Variants in COL27A1 observed in about 807,000 individuals in gnomAD.
COL27A1 encodes the protein collagen type XXVII alpha 1 chain.
COL27A1 carries 106 observed loss-of-function variants against 251.3 expected under a neutral mutation model. That is an observed-to-expected ratio of 0.42 (90% CI 0.36 to 0.50). COL27A1 has a LOEUF of 0.50. Among genes scored for constraint, COL27A1 ranks in the 20% least tolerant of loss-of-function variants. The probability of loss-of-function intolerance (pLI) is 0.00; values close to 1 mark genes in which losing one functional copy is unlikely to be tolerated. For missense variants in COL27A1, 2,325 were observed against 2,522.8 expected (o/e 0.92, Z 1.68); for synonymous variants, 1,000 against 986.3 (o/e 1.01, Z -0.26).
rs1383939938 is a variant in COL27A1 at position 114,253,397 on chromosome 9, A to G, written c.3141+465A>G. On this transcript the variant is annotated intron_variant, in intron 27 of 60. Transcript: ENST00000356083. ...CGAAAGAAAGAAAGAAAAAAGAAAG[A>G]GGAAAAAAGACAGAAAGAAGAGGAG... Among the ~76,000 whole-genome samples the G allele has an allele frequency of 1.7e-5, 2 of 119,690 alleles. 1 individual carries two copies. Among genetic ancestry groups the G allele is most frequent in the South Asian group, 5.7e-4 (2 of 3,502 alleles). The allele number at this position is 119,690 out of a possible 152,430, so 78.5% of individuals were successfully genotyped here.
intron 20 of COL27A1, 31 bp from the exon 21 acceptor site, chr9:114,240,403 T>G: frequency 6.2e-6 from 10 of 1,609,574 alleles, no homozygotes; most frequent in South Asian, 1.1e-5. Flanking sequence ...GTACCGCCTC[T>G]GAGACTCCCT....
intron 26 of COL27A1, 38 bp from the exon 27 acceptor site, chr9:114,252,841 C>T: frequency 2.5e-6 from 4 of 1,599,566 alleles, no homozygotes; most frequent in African/African-American, 1.3e-5. Context: ...AGGAAGCTTC[C>T]ATAGCTGATT....
intron 37 of COL27A1, among the ~76,000 whole-genome samples, chr9:114,280,110 T>G (rs1835809546): frequency 6.6e-6 from 1 of 152,212 alleles, no homozygotes; most frequent in Admixed American, 6.5e-5. Context: ...TTGATCTGTA[T>G]TTAGATTTCA....
At chr9:114,281,416 GGGC>G (rs1351077039) in intron 37 of COL27A1, among the ~76,000 whole-genome samples, 1 of 152,244 alleles carries the variant, frequency 6.6e-6, no homozygotes, top group East Asian at 1.9e-4. Flanking sequence ...TCCCAGGGCA[GGGC>G]AGGGCAGATC....
chr9:114,178,708 C>T (rs557106098), intron 4 of COL27A1, among the ~76,000 whole-genome samples: 2 of 152,244 alleles, frequency 1.3e-5, no homozygotes, highest in East Asian at 3.9e-4. Flanking sequence ...CTTCCTGTTT[C>T]TGCAGGGCTC....
intron 27 of COL27A1, among the ~76,000 whole-genome samples, chr9:114,255,470 G>A (rs1269075691): frequency 1.3e-5 from 2 of 152,192 alleles, no homozygotes; most frequent in African/African-American, 2.4e-5. Context: ...AGTGGGAGGA[G>A]GAAAGCCAGG....
intron 12 of COL27A1, among the ~76,000 whole-genome samples, chr9:114,216,544 G>A (rs1259900834): frequency 6.6e-6 from 1 of 152,226 alleles, no homozygotes; most frequent in African/African-American, 2.4e-5. Flanking sequence ...GCAAGGTAGT[G>A]GGTGAGGGGG....
At chr9:114,246,760 CAG>C (rs879547337) in intron 24 of COL27A1, among the ~76,000 whole-genome samples, 24 of 152,202 alleles carry the variant, frequency 1.6e-4, no homozygotes, top group African/African-American at 4.1e-4. Context: ...GGAATTAAAA[CAG>C]GGGGAGGCCT....
chr9:114,266,620 T>C lies in COL27A1; in HGVS notation c.3447+2T>C. 1 of 1,613,138 alleles carries C rather than the reference T, an allele frequency of 6.2e-7. No homozygotes were observed. The highest frequency in any genetic ancestry group is 1.1e-5 in the South Asian group (1 of 91,034). ...CCTCCAGGAGAGATGGGACCCAAGGTGAGTGTGAGAGACCCTTATTCGTCC... is the reference window on the plus strand; with the variant it reads ...CCTCCAGGAGAGATGGGACCCAAGGCGAGTGTGAGAGACCCTTATTCGTCC... On this transcript the variant is annotated splice_donor_variant, in intron 33 of 60. Coordinates refer to ENST00000356083, the MANE Select transcript of COL27A1 (RefSeq NM_032888.4). LOFTEE classifies it high-confidence loss of function.
intron 19 of COL27A1, among the ~76,000 whole-genome samples, chr9:114,239,022 T>C (rs1489397199): frequency 6.6e-6 from 1 of 152,142 alleles, no homozygotes; most frequent in African/African-American, 2.4e-5. Context: ...GCCTCTCCCG[T>C]CTTTGTGCTC....
intron 14 of COL27A1, among the ~76,000 whole-genome samples, chr9:114,225,097 C>G (rs1299346438): frequency 6.6e-6 from 1 of 152,224 alleles, no homozygotes; most frequent in Non-Finnish European, 1.5e-5. Context: ...TCAAATTTAA[C>G]TGGGCATCCT....
chr9:114,229,856 C>G (rs2135424940), intron 14 of COL27A1, among the ~76,000 whole-genome samples: 1 of 152,260 alleles, frequency 6.6e-6, no homozygotes, highest in South Asian at 2.1e-4. Context: ...GTTCCTGGAC[C>G]TTGGCACTAC....
At chr9:114,259,995 TG>T (rs56029388) in intron 28 of COL27A1, among the ~76,000 whole-genome samples, 81,482 of 131,560 alleles carry the variant, frequency 0.62, 22,518 homozygotes, top group East Asian at 0.68. Context: ...GTCCTCTGGG[TG>T]GGGGGGGGGT....
At chr9:114,200,017 A>G (rs962464067) in intron 7 of COL27A1, among the ~76,000 whole-genome samples, 1 of 151,442 alleles carries the variant, frequency 6.6e-6, no homozygotes, top group African/African-American at 2.4e-5. Context: ...CCTGCCCCCT[A>G]GCAGGAATGC....
intron 10 of COL27A1, 110 bp downstream of exon 10, chr9:114,206,406 C>T: frequency 9.1e-7 from 1 of 1,096,200 alleles, no homozygotes; most frequent in Non-Finnish European, 1.4e-6. Flanking sequence ...CAAGGCCCTC[C>T]CACTTGAGTG....
intron 7 of COL27A1, among the ~76,000 whole-genome samples, chr9:114,203,644 A>G (rs1305942909): frequency 6.6e-6 from 1 of 152,220 alleles, no homozygotes; most frequent in Non-Finnish European, 1.5e-5. Flanking sequence ...AGACATGAAT[A>G]GGTGCAGAAA....
Position 114,169,124 on chromosome 9 carries a change from C to A in COL27A1, c.1569C>A (p.Val523=), listed in dbSNP as rs1849124074. The A allele has an allele frequency of 6.2e-7, 1 of 1,614,058 alleles. No individual in the cohort carries two copies. The highest frequency in any genetic ancestry group is 1.3e-5 in the African/African-American group (1 of 74,924). ...GTSTPRTAPA[V]PTPGSAPTGS... is the part of the protein sequence containing the mutation. The stretch of plus-strand genomic sequence containing the variant: ...GCACTCCCAGAACAGCACCTGCCGT[C>A]CCCACTCCTGGCTCAGCTCCCACTG... Residue 523 remains valine, a synonymous_variant, in exon 3 of 61, where the codon GTC becomes GTA. Coordinates refer to ENST00000356083, the MANE Select transcript of COL27A1 (RefSeq NM_032888.4).
intron 23 of COL27A1, among the ~76,000 whole-genome samples, chr9:114,244,768 G>C (rs1050893359): frequency 2.0e-5 from 3 of 152,188 alleles, no homozygotes; most frequent in African/African-American, 7.2e-5. Context: ...GCCGTCTGAG[G>C]TTTCGGCCTC....
intron 14 of COL27A1, among the ~76,000 whole-genome samples, chr9:114,224,648 CTT>C (rs5900075): frequency 9.2e-5 from 9 of 97,348 alleles, no homozygotes; most frequent in Admixed American, 1.3e-4. Context: ...CCTCCTGGTT[CTT>C]TTTTTTTTTT....
Sources: allele counts gnomAD v4.1 joint callset (sites outside exome capture counted in the v4.1 genomes callset), GRCh38; gene constraint gnomAD v4.1.1; transcripts MANE v1.5; gene names NCBI Gene and HGNC (gene_info 2026-07-23, HGNC 2026-07-21).